TACR1: variants seen among roughly 807,000 people sequenced by gnomAD.
The protein encoded by TACR1 is tachykinin receptor 1.
In TACR1, 25 loss-of-function variants were observed where a neutral mutation model predicts 35.8. The ratio of observed to expected loss-of-function variants is 0.70; its 90% CI spans 0.51 to 0.98. The LOEUF is 0.98. Ranked by LOEUF, TACR1 falls within the 50% of genes least tolerant of loss-of-function variation. The pLI is 0.00. For missense variants in TACR1, 478 were observed against 522.9 expected, an observed-to-expected ratio of 0.91 and a Z score of 0.84; for synonymous variants, 195 against 206.7, an observed-to-expected ratio of 0.94 and a Z score of 0.48.
intron 1 of TACR1, among the ~76,000 whole-genome samples, chr2:75,124,756 A>T (rs773159823): frequency 6.6e-6 from 1 of 152,240 alleles, no homozygotes; most frequent in Non-Finnish European, 1.5e-5. Context: ...GGTAGGCTGC[A>T]TTTGGTCCCT....
At chr2:75,157,225 G>A (rs773251310) in intron 1 of TACR1, among the ~76,000 whole-genome samples, 65 of 152,046 alleles carry the variant, frequency 4.3e-4, no homozygotes, top group Non-Finnish European at 6.9e-4. Flanking sequence ...GAGACTTGGA[G>A]GAAAGCTAGA....
intron 2 of TACR1, among the ~76,000 whole-genome samples, chr2:75,084,160 C>T (rs1404111565): frequency 2.6e-5 from 4 of 152,098 alleles, no homozygotes; most frequent in African/African-American, 9.7e-5. Context: ...TTGTTGAAGG[C>T]CTTTTCTGCA....
At chr2:75,194,326 A>G (rs1184074192) in intron 1 of TACR1, among the ~76,000 whole-genome samples, 1 of 152,218 alleles carries the variant, frequency 6.6e-6, no homozygotes, top group African/African-American at 2.4e-5. Flanking sequence ...GTTGTGGCCA[A>G]TGAGCTTCTA....
chr2:75,086,273 T>A (rs1216194877), intron 2 of TACR1, among the ~76,000 whole-genome samples: 1 of 152,256 alleles, frequency 6.6e-6, no homozygotes, highest in Non-Finnish European at 1.5e-5. Context: ...TCTAGACATT[T>A]ATATAAAATC....
intron 1 of TACR1, among the ~76,000 whole-genome samples, chr2:75,169,113 G>C (rs771682073): frequency 6.6e-5 from 10 of 151,856 alleles, no homozygotes; most frequent in Admixed American, 1.3e-4. Flanking sequence ...TTTCTGAAAA[G>C]TATTATTGTT....
chr2:75,193,836 G>A (rs13429521), intron 1 of TACR1, among the ~76,000 whole-genome samples: 9,182 of 152,076 alleles, frequency 0.06, 320 homozygotes, highest in Non-Finnish European at 0.079. Flanking sequence ...TTATATTTTA[G>A]TTACCTCTAA....
chr2:75,120,309 G>A (rs1050947061), intron 2 of TACR1, among the ~76,000 whole-genome samples: 7 of 152,128 alleles, frequency 4.6e-5, no homozygotes, highest in Non-Finnish European at 7.4e-5. Flanking sequence ...TAAAAGGCCC[G>A]AGGGATATGG....
At chr2:75,051,552 G>A (rs1289038845) in intron 3 of TACR1, 105 bp from the exon 4 acceptor site, 22 of 1,530,562 alleles carry the variant, frequency 1.4e-5, no homozygotes, top group Admixed American at 1.0e-4. Flanking sequence ...GGGATGAAGC[G>A]AGAAGTATTT....
chr2:75,197,913 A>G (rs541774322), intron 1 of TACR1, among the ~76,000 whole-genome samples: 1 of 152,338 alleles, frequency 6.6e-6, no homozygotes, highest in East Asian at 1.9e-4. Context: ...ATTACAGAGT[A>G]AACTGCATTA....
intron 2 of TACR1, among the ~76,000 whole-genome samples, chr2:75,087,947 G>C (rs1285455204): frequency 1.3e-5 from 2 of 152,154 alleles, no homozygotes; most frequent in Non-Finnish European, 2.9e-5. Flanking sequence ...TCCAGTGGCA[G>C]GCATGAAGGG....
chr2:75,086,016 G>A (rs1390321531), intron 2 of TACR1, among the ~76,000 whole-genome samples: 1 of 152,212 alleles, frequency 6.6e-6, no homozygotes. Flanking sequence ...TTAGTTTCAT[G>A]TTCTTAGAAG....
At chr2:75,182,269 A>C (rs1675576996) in intron 1 of TACR1, among the ~76,000 whole-genome samples, 1 of 152,282 alleles carries the variant, frequency 6.6e-6, no homozygotes, top group Non-Finnish European at 1.5e-5. Context: ...CCATTGCCCC[A>C]AAATTTCTCT....
chr2:75,069,811 T>C (rs2103812797), intron 2 of TACR1, among the ~76,000 whole-genome samples: 1 of 152,324 alleles, frequency 6.6e-6, no homozygotes, highest in African/African-American at 2.4e-5. Flanking sequence ...TCACATCATA[T>C]CAAGGGTACA....
chr2:75,050,970 C>G, intron 4 of TACR1: 1 of 448,970 alleles, frequency 2.2e-6, no homozygotes, highest in Non-Finnish European at 4.1e-6. Flanking sequence ...TTTTAATTCC[C>G]CCACTAGCTG....
intron 1 of TACR1, among the ~76,000 whole-genome samples, chr2:75,170,781 G>A (rs59770488): frequency 6.6e-6 from 1 of 152,094 alleles, no homozygotes; most frequent in Non-Finnish European, 1.5e-5. Context: ...CTAGAGATTT[G>A]TGGAACTTTG....
At chr2:75,104,110 C>T in intron 2 of TACR1, among the ~76,000 whole-genome samples, 1 of 152,020 alleles carries the variant, frequency 6.6e-6, no homozygotes, top group East Asian at 1.9e-4. Context: ...AATCAAAGGA[C>T]ACAGAGTGCT....
intron 1 of TACR1, chr2:75,154,589 A>G (rs1332988648): frequency 2.0e-5 from 3 of 150,998 alleles, no homozygotes; most frequent in Non-Finnish European, 2.9e-5. Flanking sequence ...AGAAATTACA[A>G]CCTGTCAGCC....
At chr2:75,158,742 C>T (rs192492757) in intron 1 of TACR1, among the ~76,000 whole-genome samples, 1 of 152,284 alleles carries the variant, frequency 6.6e-6, no homozygotes, top group East Asian at 1.9e-4. Context: ...CCCAGCATCG[C>T]AAAGGAAGCA....
intron 1 of TACR1, among the ~76,000 whole-genome samples, chr2:75,144,191 C>T (rs1418055321): frequency 6.6e-6 from 1 of 152,184 alleles, no homozygotes; most frequent in Non-Finnish European, 1.5e-5. Context: ...TACAGAAGTT[C>T]AGTGGGAGCT....
Sources: gnomAD v4.1 joint callset for allele counts (sites outside exome capture counted in the v4.1 genomes callset) on GRCh38, gnomAD v4.1.1 for gene constraint, MANE v1.5 for transcripts, NCBI Gene and HGNC (gene_info 2026-07-23, HGNC 2026-07-21) for gene names.